DTNA: variants seen among roughly 807,000 people sequenced by gnomAD.
DTNA encodes the protein dystrobrevin alpha.
DTNA carries 43 observed loss-of-function variants against 100.7 expected under a neutral mutation model. The observed-to-expected ratio is 0.43, with a 90% confidence interval of 0.33 to 0.55. The LOEUF is 0.55. DTNA is among the 20% of genes least tolerant of loss of function. DTNA has a pLI of 0.04. For synonymous variants in DTNA, 349 were observed against 347.9 expected (o/e 1.00, Z -0.04); for missense variants, 798 against 953.9 (o/e 0.84, Z 2.15).
At position 34,890,361 on chromosome 18, in the gene DTNA, G is replaced by A. The variant is rs769729466; in HGVS notation, c.*2627G>A. 6.2e-5 allele frequency: 96 copies of A among 1,536,116 alleles called. No individual in the cohort carries two copies. The highest frequency in any genetic ancestry group is 6.1e-5 in the Non-Finnish European group (70 of 1,146,910). On this transcript the variant is annotated 3_prime_UTR_variant, in exon 23 of 23. Coordinates refer to ENST00000444659, the MANE Select transcript of DTNA (RefSeq NM_001386795.1). ...TGTCCTGTAAGCGAGACAAAATGGCGTGTGTTATTTTGGGGTTTTGTGTTT... is the reference window on the plus strand; with the variant it reads ...TGTCCTGTAAGCGAGACAAAATGGCATGTGTTATTTTGGGGTTTTGTGTTT...
At chr18:34,669,899 T>C (rs1182363718) in intron 1 of DTNA, among the ~76,000 whole-genome samples, 2 of 152,200 alleles carry the variant, frequency 1.3e-5, no homozygotes, top group African/African-American at 2.4e-5. Context: ...CTGACAATTA[T>C]GTATCTTGGA....
chr18:34,860,220 G>GTTTTTTTT (rs55673388), intron 16 of DTNA, among the ~76,000 whole-genome samples: 19 of 80,280 alleles, frequency 2.4e-4, no homozygotes, highest in Non-Finnish European at 3.1e-4. Context: ...CTAATTTTTT[G>GTTTTTTTT]TTTTTTTTTT....
At chr18:34,874,501 G>T (rs1226249094) in intron 17 of DTNA, among the ~76,000 whole-genome samples, 1 of 152,290 alleles carries the variant, frequency 6.6e-6, no homozygotes, top group East Asian at 1.9e-4. Flanking sequence ...AGTTCCTTCA[G>T]TTGTTTTCTA....
chr18:34,860,683 C>A (rs1157421050), intron 16 of DTNA, among the ~76,000 whole-genome samples: 1 of 152,124 alleles, frequency 6.6e-6, no homozygotes, highest in Non-Finnish European at 1.5e-5. Context: ...GTCTTAAAAC[C>A]ACAATGAACT....
chr18:34,869,690 G>C (rs1441292123), intron 17 of DTNA, among the ~76,000 whole-genome samples: 1 of 150,442 alleles, frequency 6.6e-6, no homozygotes, highest in East Asian at 1.9e-4. Flanking sequence ...ATTTTTGTGT[G>C]AGAGAGGTGA....
rs965721548 is a variant in DTNA at position 34,891,347 on chromosome 18, G to T, written c.*3613G>T. On this transcript the variant is annotated 3_prime_UTR_variant, in exon 23 of 23. Coordinates refer to ENST00000444659, the MANE Select transcript of DTNA (RefSeq NM_001386795.1). ...AAGTGATTAAACTATTTAATTGTGT[G>T]TCTATATTTTGGAGTGGAATAATTT... 2.0e-5 allele frequency: 3 copies of T among 152,460 alleles called. No individual in the cohort carries two copies. Among genetic ancestry groups the T allele is most frequent in the African/African-American group, 7.2e-5 (3 of 41,388 alleles). 9.4% of individuals were successfully genotyped at this position (152,460 alleles called of 1,614,324 possible).
At chr18:34,745,183 A>C (rs1366435440) in intron 1 of DTNA, among the ~76,000 whole-genome samples, 1 of 152,052 alleles carries the variant, frequency 6.6e-6, no homozygotes, top group African/African-American at 2.4e-5. Flanking sequence ...GTCCTATTGC[A>C]GAAAACAATA....
intron 1 of DTNA, among the ~76,000 whole-genome samples, chr18:34,597,023 C>T (rs1013910700): frequency 3.3e-5 from 5 of 152,114 alleles, no homozygotes; most frequent in Admixed American, 2.6e-4. Flanking sequence ...CCCTGACAGG[C>T]CCCAGTGTGT....
rs117843692 is a variant in DTNA, at chr18:34,660,137, A to G, written c.-1-95839A>G. On this transcript the variant is annotated intron_variant, in intron 1 of 19. Transcript: ENST00000283365. ...AGCTACAGGCATATAATACTTGGGGACAGTGTTCTAAGACACCATGGGCAT... is the reference window on the plus strand; with the variant it reads ...AGCTACAGGCATATAATACTTGGGGGCAGTGTTCTAAGACACCATGGGCAT... 2.0e-4 allele frequency among the ~76,000 whole-genome samples: 30 copies of G among 152,300 alleles called. No individual in the cohort carries two copies. In the East Asian group the frequency reaches 5.8e-3, roughly 29 times the overall value.
rs935403665 is a variant in DTNA, at chr18:34,890,569, C to T, written c.*2835C>T. Reference sequence around the variant, plus strand: ...TCAGAGCTGATAGCCTGTTAATAAGCACTGGTCTAACACAGCCAACCCTCC... The same window carrying T: ...TCAGAGCTGATAGCCTGTTAATAAGTACTGGTCTAACACAGCCAACCCTCC... On this transcript the variant is annotated 3_prime_UTR_variant, in exon 23 of 23. Coordinates refer to ENST00000444659, the MANE Select transcript of DTNA (RefSeq NM_001386795.1). The T allele has an allele frequency of 3.6e-6, 5 of 1,402,094 alleles. No individual in the cohort carries two copies. The African/African-American group carries it at 5.7e-5, about 16-fold the overall frequency. The allele number at this position is 1,402,094 out of a possible 1,614,324, so 86.9% of individuals were successfully genotyped here. A position where few individuals can be genotyped will look rare whatever the true frequency, so the allele number is the denominator to read the frequency against.
chr18:34,632,808 T>C (rs184802362), intron 1 of DTNA, among the ~76,000 whole-genome samples: 2 of 152,184 alleles, frequency 1.3e-5, no homozygotes, highest in Non-Finnish European at 2.9e-5. Flanking sequence ...TTTTCATCAA[T>C]AAAATGAGAT....
chr18:34,885,632 A>G (rs919369807), intron 22 of DTNA, among the ~76,000 whole-genome samples: 1 of 152,236 alleles, frequency 6.6e-6, no homozygotes, highest in African/African-American at 2.4e-5. Flanking sequence ...AGAGGCTGGT[A>G]TTATGTATCA....
chr18:34,653,990 G>C (rs2073991084), intron 1 of DTNA, among the ~76,000 whole-genome samples: 1 of 152,102 alleles, frequency 6.6e-6, no homozygotes, highest in Non-Finnish European at 1.5e-5. Flanking sequence ...AGTTTTTCTT[G>C]TCAGCCATTT....
At chr18:34,726,421 T>A (rs8090541) in intron 1 of DTNA, among the ~76,000 whole-genome samples, 17,949 of 152,076 alleles carry the variant, frequency 0.12, 1,581 homozygotes, top group African/African-American at 0.24. Context: ...CCAAAGTCTC[T>A]TCTGAGACTC....
At chr18:34,864,542 C>G (rs1457214182) in intron 17 of DTNA, among the ~76,000 whole-genome samples, 5 of 152,196 alleles carry the variant, frequency 3.3e-5, no homozygotes, top group Admixed American at 2.6e-4. Context: ...CGTGAGCCAC[C>G]GCGCCCGGCC....
intron 1 of DTNA, among the ~76,000 whole-genome samples, chr18:34,722,929 A>T (rs576025826): frequency 1.1e-4 from 17 of 152,242 alleles, no homozygotes; most frequent in Admixed American, 4.6e-4. Flanking sequence ...TTATCCATTC[A>T]TCTTTGATTA....
At chr18:34,609,202 A>G (rs934829044) in intron 1 of DTNA, among the ~76,000 whole-genome samples, 18 of 151,744 alleles carry the variant, frequency 1.2e-4, no homozygotes, top group Admixed American at 1.1e-3. Flanking sequence ...AAGATAAACT[A>G]TATAATCTAT....
chr18:34,715,646 A>T (rs1456912375), intron 1 of DTNA, among the ~76,000 whole-genome samples: 1 of 152,098 alleles, frequency 6.6e-6, no homozygotes, highest in Non-Finnish European at 1.5e-5. Flanking sequence ...GATCTATGAA[A>T]GTAGTGAAAG....
chr18:34,833,000 A>G (rs1178080652), intron 11 of DTNA, among the ~76,000 whole-genome samples: 4 of 152,210 alleles, frequency 2.6e-5, no homozygotes, highest in African/African-American at 9.6e-5. Context: ...AAGAATCAAT[A>G]GAAATGAAAA....
Sources: allele counts gnomAD v4.1 joint callset (sites outside exome capture counted in the v4.1 genomes callset), GRCh38; gene constraint gnomAD v4.1.1; transcripts MANE v1.5; gene names NCBI Gene and HGNC (gene_info 2026-07-23, HGNC 2026-07-21).